Variants in TDRD5 observed in about 807,000 individuals in gnomAD.
The protein encoded by TDRD5 is tudor domain-containing protein 5.
Under a neutral mutation model 120.6 loss-of-function variants are expected in TDRD5, and 41 were observed. That is an observed-to-expected ratio of 0.34 (90% CI 0.26 to 0.44). The LOEUF is 0.44. TDRD5 is among the 20% of genes least tolerant of loss of function. The probability of loss-of-function intolerance (pLI) is 1.00; values close to 1 mark genes in which losing one functional copy is unlikely to be tolerated. For missense variants in TDRD5, 1,006 were observed against 1,221.2 expected (o/e 0.82, Z 2.63); for synonymous variants, 430 against 433.7 (o/e 0.99, Z 0.11).
chr1:179,639,775 T>G, intron 9 of TDRD5, 64 bp from the exon 10 acceptor site: 1 of 1,542,448 alleles, frequency 6.5e-7, no homozygotes, highest in East Asian at 2.3e-5. Context: ...CTTGATACAT[T>G]GATAAAAATT....
chr1:179,623,802 T>TA (rs34338309), intron 6 of TDRD5, among the ~76,000 whole-genome samples: 50,251 of 148,820 alleles, frequency 0.34, 8,668 homozygotes, highest in Admixed American at 0.41. Flanking sequence ...CCCAGCCAAT[T>TA]AAAAAAAAAA....
chr1:179,592,338 C>T (rs1388914056), intron 1 of TDRD5: 1 of 391,134 alleles, frequency 2.6e-6, no homozygotes. Flanking sequence ...GCGTTGGAGT[C>T]CAACACCCGA....
chr1:179,679,530 G>A (rs1680315879), intron 17 of TDRD5, among the ~76,000 whole-genome samples: 2 of 152,156 alleles, frequency 1.3e-5, no homozygotes, highest in African/African-American at 4.8e-5. Flanking sequence ...GGTATTTTAA[G>A]CTAATGTCTT....
At chr1:179,669,784 T>C (rs1175141335) in intron 17 of TDRD5, among the ~76,000 whole-genome samples, 1 of 152,240 alleles carries the variant, frequency 6.6e-6, no homozygotes, top group Non-Finnish European at 1.5e-5. Context: ...TCCCATTGCC[T>C]ACTTGCCTCT....
At chr1:179,645,536 G>A (rs1440055204) in intron 11 of TDRD5, among the ~76,000 whole-genome samples, 1 of 152,132 alleles carries the variant, frequency 6.6e-6, no homozygotes, top group African/African-American at 2.4e-5. Context: ...GTAAATGGTG[G>A]TGTCTTCTTA....
intron 11 of TDRD5, among the ~76,000 whole-genome samples, chr1:179,642,783 CTG>C (rs1352318854): frequency 1.3e-5 from 2 of 152,152 alleles, no homozygotes; most frequent in South Asian, 2.1e-4. Flanking sequence ...CACTTTATTT[CTG>C]TGTCTTTTTT....
At chr1:179,599,953 C>G (rs4652424) in intron 4 of TDRD5, among the ~76,000 whole-genome samples, 97,731 of 151,976 alleles carry the variant, frequency 0.64, 32,076 homozygotes, top group Admixed American at 0.73. Context: ...TAATGACAAT[C>G]AACAACCATG....
Position 179,635,661 on chromosome 1 carries a change from T to G in TDRD5, c.1300-6T>G. ...AGATTTTTAATTTTTTTTTTCTAAC[T>G]TATAGCAAGTAGAAACAAACAAATC... On this transcript the variant is annotated splice_polypyrimidine_tract_variant and splice_region_variant and intron_variant, in intron 8 of 17. Transcript: ENST00000444136. 6.2e-7 allele frequency: 1 copy of G among 1,612,876 alleles called. No individual in the cohort carries two copies. The highest frequency in any genetic ancestry group is 1.1e-5 in the South Asian group (1 of 90,890).
At chr1:179,670,653 T>C (rs1679814627) in intron 17 of TDRD5, among the ~76,000 whole-genome samples, 1 of 152,222 alleles carries the variant, frequency 6.6e-6, no homozygotes, top group South Asian at 2.1e-4. Flanking sequence ...CATTTTCCTG[T>C]TTACCACAAT....
chr1:179,682,673 G>A (rs1047526226), intron 17 of TDRD5, among the ~76,000 whole-genome samples: 8 of 151,658 alleles, frequency 5.3e-5, no homozygotes, highest in Non-Finnish European at 1.0e-4. Flanking sequence ...GTGGGGAGAT[G>A]CAGTTTAATT....
intron 16 of TDRD5, among the ~76,000 whole-genome samples, chr1:179,663,981 A>G (rs1399697661): frequency 6.6e-6 from 1 of 152,182 alleles, no homozygotes; most frequent in African/African-American, 2.4e-5. Flanking sequence ...TTTCCTGAAT[A>G]TATTACGAGC....
At chr1:179,669,677 T>C (rs1679752514) in intron 17 of TDRD5, among the ~76,000 whole-genome samples, 1 of 151,780 alleles carries the variant, frequency 6.6e-6, no homozygotes, top group Non-Finnish European at 1.5e-5. Context: ...GTATAGTTCT[T>C]TGAGTTTCGA....
chr1:179,597,729 A>G (rs1309195060), intron 4 of TDRD5, among the ~76,000 whole-genome samples: 2 of 152,176 alleles, frequency 1.3e-5, no homozygotes, highest in East Asian at 1.9e-4. Context: ...CAGTTCTTAT[A>G]TTTAGGTATA....
intron 5 of TDRD5, 22 bp downstream of exon 5, chr1:179,618,704 G>C: frequency 6.7e-7 from 1 of 1,497,614 alleles, no homozygotes; most frequent in Non-Finnish European, 9.0e-7. Flanking sequence ...CTGTTTCTGG[G>C]AGACAATAAT....
intron 17 of TDRD5, among the ~76,000 whole-genome samples, chr1:179,681,725 C>G (rs2147808866): frequency 6.7e-6 from 1 of 148,712 alleles, no homozygotes; most frequent in South Asian, 2.1e-4. Context: ...TCCACAGGAC[C>G]AAAAAAAAAT....
chr1:179,630,699 G>T, intron 6 of TDRD5, 68 bp from the exon 7 acceptor site: 1 of 1,508,456 alleles, frequency 6.6e-7, no homozygotes, highest in Non-Finnish European at 8.9e-7. Flanking sequence ...GTTGTCCAAG[G>T]ACAACTATAT....
At chr1:179,671,718 A>G (rs1248070700) in intron 17 of TDRD5, among the ~76,000 whole-genome samples, 1 of 152,094 alleles carries the variant, frequency 6.6e-6, no homozygotes, top group Admixed American at 6.6e-5. Flanking sequence ...CCCAATGTGT[A>G]GTTTTTTATC....
intron 5 of TDRD5, among the ~76,000 whole-genome samples, chr1:179,620,404 A>G (rs988135556): frequency 1.7e-4 from 26 of 152,288 alleles, no homozygotes; most frequent in African/African-American, 4.8e-4. Context: ...TAATCATTAC[A>G]ATATTTGGGA....
At position 179,595,815 on chromosome 1, in the gene TDRD5, C is replaced by T. The variant is rs767797419; in HGVS notation, c.828C>T (p.Asn276=). ...TSRLNHTEKL[N]QLENTFKSVI... is the part of the protein sequence containing the mutation. ...GACTGAATCACACTGAAAAATTAAACCAGGTGAGAGATAAGAATTTGGAGA... is the reference window on the plus strand; with the variant it reads ...GACTGAATCACACTGAAAAATTAAATCAGGTGAGAGATAAGAATTTGGAGA... Residue 276 remains asparagine, a synonymous_variant, in exon 4 of 18, where the codon AAC becomes AAT. Transcript: ENST00000444136. The T allele has an allele frequency of 1.1e-5, 17 of 1,600,166 alleles. No individual in the cohort carries two copies. Among genetic ancestry groups the T allele is most frequent in the Non-Finnish European group, 1.2e-5 (14 of 1,173,692 alleles).
Sources: gnomAD v4.1 joint callset for allele counts (sites outside exome capture counted in the v4.1 genomes callset) on GRCh38, gnomAD v4.1.1 for gene constraint, MANE v1.5 for transcripts, NCBI Gene and HGNC (gene_info 2026-07-23, HGNC 2026-07-21) for gene names.